Variants in SLC44A5 observed in about 807,000 individuals in gnomAD.
SLC44A5 encodes the protein choline transporter-like protein 5.
Under a neutral mutation model 101.8 loss-of-function variants are expected in SLC44A5, and 57 were observed. The ratio of observed to expected loss-of-function variants is 0.56; its 90% CI spans 0.45 to 0.70. SLC44A5 has a LOEUF of 0.70. SLC44A5 is among the 30% of genes least tolerant of loss of function. The pLI is 0.00. For synonymous variants in SLC44A5, 281 were observed against 290.9 expected (o/e 0.97, Z 0.35); for missense variants, 737 against 853.1 (o/e 0.86, Z 1.70).
chr1:75,422,849 T>C (rs1280129990), intron 2 of SLC44A5, among the ~76,000 whole-genome samples: 1 of 152,188 alleles, frequency 6.6e-6, no homozygotes, highest in Non-Finnish European at 1.5e-5. Flanking sequence ...CTAGGTCTAT[T>C]GCACTTTCCA....
At chr1:75,397,971 T>C (rs1249334816) in intron 2 of SLC44A5, among the ~76,000 whole-genome samples, 1 of 152,144 alleles carries the variant, frequency 6.6e-6, no homozygotes, top group African/African-American at 2.4e-5. Context: ...GTTTCACACT[T>C]ACCATTTAAA....
At chr1:75,206,751 C>T (rs1646756598) in intron 23 of SLC44A5, 2 of 1,170,174 alleles carry the variant, frequency 1.7e-6, no homozygotes, top group African/African-American at 3.0e-5. Flanking sequence ...CAGGCAAAAG[C>T]AGAAGCAGCA....
chr1:75,450,189 G>C (rs931671805), intron 2 of SLC44A5, among the ~76,000 whole-genome samples: 1 of 152,102 alleles, frequency 6.6e-6, no homozygotes. Context: ...GTACTTGAGA[G>C]AGGCAGAGAG....
intron 2 of SLC44A5, among the ~76,000 whole-genome samples, chr1:75,476,916 C>T (rs1342794259): frequency 6.6e-6 from 1 of 152,248 alleles, no homozygotes; most frequent in Non-Finnish European, 1.5e-5. Context: ...TCCCAGCACA[C>T]AGCTGGAGAT....
At chr1:75,464,165 T>C (rs572424319) in intron 2 of SLC44A5, among the ~76,000 whole-genome samples, 1 of 131,098 alleles carries the variant, frequency 7.6e-6, no homozygotes, top group South Asian at 2.3e-4. Flanking sequence ...GAGGTTGCAG[T>C]GAACCGAGAT....
At chr1:75,286,900 A>C (rs1653097537) in intron 5 of SLC44A5, among the ~76,000 whole-genome samples, 1 of 151,970 alleles carries the variant, frequency 6.6e-6, no homozygotes, top group South Asian at 2.1e-4. Context: ...CTTTGTCTTG[A>C]CTTTAGATAA....
At chr1:75,689,021 T>G in the SLC44A5 span, among the ~76,000 whole-genome samples, 1 of 152,172 alleles carries the variant, frequency 6.6e-6, no homozygotes, top group African/African-American at 2.4e-5. Context: ...TAAGAATGCT[T>G]TCTTTTGTAT....
At chr1:75,478,625 C>A (rs371405204) in intron 2 of SLC44A5, among the ~76,000 whole-genome samples, 1 of 151,724 alleles carries the variant, frequency 6.6e-6, no homozygotes. Flanking sequence ...AAACAGACTT[C>A]AAACCAACAA....
the SLC44A5 span, chr1:75,642,072 T>C: frequency 1.3e-5 from 17 of 1,276,992 alleles, no homozygotes; most frequent in African/African-American, 2.4e-4. Context: ...ATGAAGAATC[T>C]GGGGGCTTCA....
intron 4 of SLC44A5, among the ~76,000 whole-genome samples, chr1:75,304,645 A>G (rs972750918): frequency 9.2e-5 from 14 of 152,210 alleles, no homozygotes; most frequent in African/African-American, 3.4e-4. Context: ...TAATTGGGAT[A>G]GTTCTCAGAA....
At chr1:75,457,923 G>T (rs533543757) in intron 2 of SLC44A5, among the ~76,000 whole-genome samples, 1 of 152,076 alleles carries the variant, frequency 6.6e-6, no homozygotes, top group South Asian at 2.1e-4. Flanking sequence ...AAATGTGGTT[G>T]GAGAAAAATC....
chr1:75,678,374 T>G, the SLC44A5 span, among the ~76,000 whole-genome samples: 3 of 152,130 alleles, frequency 2.0e-5, no homozygotes, highest in Non-Finnish European at 4.4e-5. Context: ...CTGACAGCTT[T>G]GAAGAGAGCA....
chr1:75,241,350 A>G (rs1648612013), intron 9 of SLC44A5, among the ~76,000 whole-genome samples: 1 of 151,872 alleles, frequency 6.6e-6, no homozygotes, highest in Non-Finnish European at 1.5e-5. Context: ...TGACCTCCCA[A>G]GTAGCTGGGA....
chr1:75,717,658 G>T, the SLC44A5 span, among the ~76,000 whole-genome samples: 1 of 152,058 alleles, frequency 6.6e-6, no homozygotes, highest in Non-Finnish European at 1.5e-5. Context: ...ATATTGATGG[G>T]GGTGAAACTT....
chr1:75,341,772 C>G (rs774640330), intron 3 of SLC44A5, among the ~76,000 whole-genome samples: 3 of 152,084 alleles, frequency 2.0e-5, no homozygotes, highest in Non-Finnish European at 4.4e-5. Context: ...TGATGTTGAA[C>G]AGTAATATTT....
rs139597899 is a variant in SLC44A5 at position 75,495,411 on chromosome 1, C to T, written c.13+46024G>A. On this transcript the variant is annotated intron_variant, in intron 2 of 23. Coordinates refer to ENST00000370859, the MANE Select transcript of SLC44A5 (RefSeq NM_001130058.2). ...CAGAGTTTGCAGTGAGCCGAGATTG[C>T]GCCACTGCACTCCAGCCCGGGTGAC... is the stretch of plus-strand genomic sequence containing the variant. Among the ~76,000 whole-genome samples, 1,422 of 151,872 alleles carry T rather than the reference C, an allele frequency of 9.4e-3. 22 individuals are homozygous for T. Among genetic ancestry groups the T allele is most frequent in the African/African-American group, 0.033 (1,351 of 41,400 alleles).
chr1:75,699,249 G>A, the SLC44A5 span, among the ~76,000 whole-genome samples: 2 of 152,236 alleles, frequency 1.3e-5, no homozygotes, highest in East Asian at 3.9e-4. Flanking sequence ...AGGGCAGCCA[G>A]AGAGAAAGGT....
At chr1:75,511,247 G>A (rs1163550923) in intron 2 of SLC44A5, among the ~76,000 whole-genome samples, 1 of 152,226 alleles carries the variant, frequency 6.6e-6, no homozygotes, top group Non-Finnish European at 1.5e-5. Context: ...AATGCTAAAT[G>A]TAGTCAGACT....
rs150976293 is a variant in SLC44A5, at chr1:75,418,709, G to T, written c.14-22088C>A. Among the ~76,000 whole-genome samples, 14 of 152,304 alleles carry T rather than the reference G, an allele frequency of 9.2e-5. No individual in the cohort carries two copies. In the East Asian group the frequency reaches 2.3e-3, roughly 25 times the overall value. On this transcript the variant is annotated intron_variant, in intron 2 of 23. Coordinates refer to ENST00000370859, the MANE Select transcript of SLC44A5 (RefSeq NM_001130058.2). ...TGCAGGGCCTCTGTGCCTGGAAAAG[G>T]ATTTGGGATGTTATCCTAAATGCAA...
Sources: allele counts gnomAD v4.1 joint callset (sites outside exome capture counted in the v4.1 genomes callset), GRCh38; gene constraint gnomAD v4.1.1; transcripts MANE v1.5; gene names NCBI Gene and HGNC (gene_info 2026-07-23, HGNC 2026-07-21).